Variants in CA1 observed in about 807,000 individuals in gnomAD.
CA1 encodes the protein carbonate dehydratase I.
A neutral mutation model predicts 28.8 loss-of-function variants in CA1; 27 were observed. The ratio of observed to expected loss-of-function variants is 0.94; its 90% CI spans 0.69 to 1.29. The LOEUF (loss-of-function observed/expected upper bound fraction) is 1.29, where lower values mean the gene tolerates loss of function less well. CA1 is among the 50% of genes most tolerant of loss of function. The probability of loss-of-function intolerance (pLI) is 0.00; values close to 1 mark genes in which losing one functional copy is unlikely to be tolerated. For missense variants in CA1, 335 were observed against 310.5 expected (o/e 1.08, Z -0.59); for synonymous variants, 121 against 108.8 (o/e 1.11, Z -0.70).
chr8:85,347,310 T>C (rs1809234268), intron 1 of CA1, among the ~76,000 whole-genome samples: 1 of 152,198 alleles, frequency 6.6e-6, no homozygotes, highest in Admixed American at 6.5e-5. Context: ...TTTTTGTGAA[T>C]GGTCTTGGCC....
intron 6 of CA1, among the ~76,000 whole-genome samples, chr8:85,330,926 G>A (rs1029824998): frequency 1.3e-5 from 2 of 151,858 alleles, no homozygotes; most frequent in Admixed American, 1.3e-4. Flanking sequence ...TGTTTTGTTT[G>A]TCTGTTTTGT....
At chr8:85,353,678 T>A (rs1452252974) in intron 1 of CA1, among the ~76,000 whole-genome samples, 5 of 150,986 alleles carry the variant, frequency 3.3e-5, no homozygotes, top group Non-Finnish European at 7.4e-5. Context: ...CAAAGAGTAT[T>A]TTTTTTTTGG....
chr8:85,342,716 C>T (rs1808977357), intron 1 of CA1: 1 of 152,214 alleles, frequency 6.6e-6, no homozygotes. Flanking sequence ...TCTAAACATG[C>T]TCAAAGAAAA....
intron 1 of CA1, among the ~76,000 whole-genome samples, chr8:85,374,328 A>G (rs13273654): frequency 0.65 from 99,116 of 152,012 alleles, 33,416 homozygotes; most frequent in African/African-American, 0.82. Flanking sequence ...CAAAAATTTT[A>G]TATTATTTTC....
chr8:85,332,854 A>C (rs1341594325), intron 5 of CA1, among the ~76,000 whole-genome samples: 1 of 152,174 alleles, frequency 6.6e-6, no homozygotes, highest in Non-Finnish European at 1.5e-5. Context: ...CTGACACAAA[A>C]ACAAATCTCT....
chr8:85,347,779 A>G (rs1434329119), intron 1 of CA1, among the ~76,000 whole-genome samples: 2 of 152,264 alleles, frequency 1.3e-5, no homozygotes, highest in East Asian at 3.9e-4. Flanking sequence ...CACTAATTGT[A>G]CAAAATTCTT....
At chr8:85,329,921 T>C in intron 6 of CA1, 77 bp from the exon 7 acceptor site, 1 of 1,143,046 alleles carries the variant, frequency 8.7e-7, no homozygotes, top group Non-Finnish European at 1.3e-6. Flanking sequence ...TATGCTATAT[T>C]ATCTTGTTAT....
chr8:85,338,908 G>T (rs1307021088), intron 2 of CA1, among the ~76,000 whole-genome samples: 1 of 151,592 alleles, frequency 6.6e-6, no homozygotes, highest in Non-Finnish European at 1.5e-5. Flanking sequence ...TAGAGATGGG[G>T]TTTCATCATG....
In CA1 at chr8:85,337,083, A is replaced by G. The variant is rs1334706675; in HGVS notation, c.236-20T>C. The G allele has an allele frequency of 1.5e-6, 2 of 1,324,078 alleles. No homozygotes were observed. The highest frequency in any genetic ancestry group is 2.2e-6 in the Non-Finnish European group (2 of 915,358). 82.0% of individuals were successfully genotyped at this position (1,324,078 alleles called of 1,614,324 possible). ...TCAGCACTGGAAGAAAAGGGAACCGATTGTTAGCCTGATGCTCCACAAACT... is the reference window on the plus strand; with the variant it reads ...TCAGCACTGGAAGAAAAGGGAACCGGTTGTTAGCCTGATGCTCCACAAACT... On this transcript the variant is annotated intron_variant, in intron 3 of 7. Transcript: ENST00000523022.
At chr8:85,345,058 A>G (rs1809124508) in intron 1 of CA1, among the ~76,000 whole-genome samples, 1 of 152,196 alleles carries the variant, frequency 6.6e-6, no homozygotes, top group Non-Finnish European at 1.5e-5. Context: ...ACATTTCTGC[A>G]TTGAGACAAC....
chr8:85,372,309 T>C (rs55842528), intron 1 of CA1, among the ~76,000 whole-genome samples: 6,181 of 151,978 alleles, frequency 0.041, 193 homozygotes, highest in Non-Finnish European at 0.065. Context: ...CAGACAAAAA[T>C]ACAGCAGAAA....
At chr8:85,367,358 G>A (rs1478361253) in intron 1 of CA1, among the ~76,000 whole-genome samples, 1 of 152,022 alleles carries the variant, frequency 6.6e-6, no homozygotes, top group Non-Finnish European at 1.5e-5. Flanking sequence ...CAATCTACAT[G>A]ATGATTATAC....
rs111904599 is a variant in CA1 at position 85,367,603 on chromosome 8, G to A, written c.-25+10443C>T. ...GCTTTGTTAAAATACAGATTGCCCA[G>A]CCTCACCTTCAGAGTTTCTGATTCA... On this transcript the variant is annotated intron_variant, in intron 1 of 7. Transcript: ENST00000523022. Among the ~76,000 whole-genome samples the A allele has an allele frequency of 3.2e-3, 483 of 152,324 alleles. 2 individuals carry two copies. The highest frequency in any genetic ancestry group is 0.011 in the African/African-American group (472 of 41,584).
intron 1 of CA1, among the ~76,000 whole-genome samples, chr8:85,350,900 T>C (rs756562164): frequency 6.6e-6 from 1 of 152,154 alleles, no homozygotes; most frequent in Non-Finnish European, 1.5e-5. Context: ...ATTCCTCCTA[T>C]TGGTAATTCC....
intron 3 of CA1, 115 bp downstream of exon 3, chr8:85,338,137 A>G: frequency 1.0e-6 from 1 of 976,274 alleles, no homozygotes; most frequent in Non-Finnish European, 1.7e-6. Context: ...GATTACAGCA[A>G]TGCTGCACAC....
intron 1 of CA1, among the ~76,000 whole-genome samples, chr8:85,343,666 C>T (rs926211568): frequency 6.6e-6 from 1 of 152,230 alleles, no homozygotes; most frequent in African/African-American, 2.4e-5. Context: ...TTTCATTACA[C>T]GACTATGTGA....
At chr8:85,337,927 A>G in intron 3 of CA1, 2 of 421,230 alleles carry the variant, frequency 4.7e-6, no homozygotes, top group Non-Finnish European at 8.8e-6. Flanking sequence ...TAGTTGTTAT[A>G]TTTGTAATGA....
Position 85,328,276 on chromosome 8 carries a change from G to T in CA1, c.*284C>A. 1 of 223,964 alleles carries T rather than the reference G, an allele frequency of 4.5e-6. No homozygotes were observed. The highest frequency in any genetic ancestry group is 8.7e-6 in the Non-Finnish European group (1 of 114,508). 13.9% of individuals were successfully genotyped at this position (223,964 alleles called of 1,614,324 possible). ...TGGTTCAAATAAACTGAAAAAAATAGACATACAAATCACTTAGTTGTAATT... is the reference window on the plus strand; with the variant it reads ...TGGTTCAAATAAACTGAAAAAAATATACATACAAATCACTTAGTTGTAATT... On this transcript the variant is annotated 3_prime_UTR_variant, in exon 8 of 8. Coordinates refer to ENST00000523022, the MANE Select transcript of CA1 (RefSeq NM_001128831.4).
rs531333100 is a variant in CA1 at position 85,344,961 on chromosome 8, C to T, written c.-24-3302G>A. ...ACATTGCCTCCTAAATTCCCTGCCC[C>T]TCTAGAGATGGTATCATTTGGGGTG... On this transcript the variant is annotated intron_variant, in intron 1 of 7. Transcript: ENST00000523022. 9.8e-5 allele frequency among the ~76,000 whole-genome samples: 15 copies of T among 152,294 alleles called. No homozygotes were observed. In the East Asian group the frequency reaches 2.9e-3, roughly 29 times the overall value.
Sources: gnomAD v4.1 joint callset for allele counts (sites outside exome capture counted in the v4.1 genomes callset) on GRCh38, gnomAD v4.1.1 for gene constraint, MANE v1.5 for transcripts, NCBI Gene and HGNC (gene_info 2026-07-23, HGNC 2026-07-21) for gene names.